Variants in ACADM observed in about 807,000 individuals in gnomAD.
The protein encoded by ACADM is acyl-CoA dehydrogenase medium chain, also known as medium-chain specific acyl-CoA dehydrogenase, mitochondrial.
In ACADM, 49 loss-of-function variants were observed where a neutral mutation model predicts 58.9. That is an observed-to-expected ratio of 0.83 (90% CI 0.66 to 1.06). The LOEUF (loss-of-function observed/expected upper bound fraction) is 1.06, where lower values mean the gene tolerates loss of function less well. Ranked by LOEUF, ACADM falls within the 50% of genes least tolerant of loss-of-function variation. The probability of loss-of-function intolerance (pLI) is 0.00; values close to 1 mark genes in which losing one functional copy is unlikely to be tolerated. For missense variants in ACADM, 496 were observed against 507.0 expected, an observed-to-expected ratio of 0.98 and a Z score of 0.21; for synonymous variants, 160 against 157.7, an observed-to-expected ratio of 1.01 and a Z score of -0.11.
chr1:75,757,618 C>G (rs971435010), intron 10 of ACADM, among the ~76,000 whole-genome samples: 1 of 152,184 alleles, frequency 6.6e-6, no homozygotes, highest in Admixed American at 6.5e-5. Flanking sequence ...GGACTGTAAA[C>G]TAGTTCAACC....
chr1:75,736,511 G>A (rs1214381822), intron 6 of ACADM, among the ~76,000 whole-genome samples: 3 of 152,160 alleles, frequency 2.0e-5, no homozygotes, highest in Non-Finnish European at 4.4e-5. Flanking sequence ...TAAGAACTGT[G>A]TGAAACGTCT....
chr1:75,735,489 A>C (rs752346044), intron 6 of ACADM, among the ~76,000 whole-genome samples: 4 of 152,126 alleles, frequency 2.6e-5, no homozygotes, highest in African/African-American at 9.7e-5. Flanking sequence ...GAACTGAGTC[A>C]TTGTGTCAGG....
Position 75,732,734 on chromosome 1 carries a change from C to G in ACADM, c.209C>G (p.Thr70Ser). Residue 70 changes from threonine (T) to serine (S), a missense_variant, in exon 3 of 12, where the codon ACT becomes AGT. Coordinates refer to ENST00000370841, the MANE Select transcript of ACADM (RefSeq NM_000016.6). Reference protein sequence around the residue: ...IIPVAAEYDKTGEYPVPLIRR... With the variant: ...IIPVAAEYDKSGEYPVPLIRR... Reference sequence around the variant, plus strand: ...CCAGTGGCTGCAGAATATGATAAAACTGGTGAAGTAGGTATATACATTTTA... The same window carrying G: ...CCAGTGGCTGCAGAATATGATAAAAGTGGTGAAGTAGGTATATACATTTTA... The G allele has an allele frequency of 6.2e-7, 1 of 1,613,348 alleles. No individual in the cohort carries two copies. Among genetic ancestry groups the G allele is most frequent in the Non-Finnish European group, 8.5e-7 (1 of 1,179,328 alleles).
Position 75,739,969 on chromosome 1 carries a change from A to G in ACADM, c.469-11A>G. ...ATTTAATTTCATTTCTCTTGTTTTT[A>G]TATATTCAAGGCTTATTGTGTAACA... is the stretch of plus-strand genomic sequence containing the variant. On this transcript the variant is annotated splice_polypyrimidine_tract_variant and intron_variant, in intron 6 of 11. Transcript: ENST00000370841. 1 of 1,587,214 alleles carries G rather than the reference A, an allele frequency of 6.3e-7. No homozygotes were observed. The highest frequency in any genetic ancestry group is 8.6e-7 in the Non-Finnish European group (1 of 1,167,100).
chr1:75,761,026 G>T lies in ACADM; in HGVS notation c.946-96G>T, dbSNP rs2100452281. The T allele has an allele frequency of 2.4e-6, 3 of 1,267,796 alleles. No individual in the cohort carries two copies. In the East Asian group the frequency reaches 7.6e-5, roughly 32 times the overall value. 78.5% of individuals were successfully genotyped at this position (1,267,796 alleles called of 1,614,324 possible). On this transcript the variant is annotated intron_variant, in intron 10 of 11. Transcript: ENST00000370841. ...GTTGCAGACCAGCCTGGGCAACATA[G>T]CAAGACCCCGTCACTATAAAAATGA...
chr1:75,744,366 G>T, intron 7 of ACADM: 1 of 1,577,732 alleles, frequency 6.3e-7, no homozygotes, highest in East Asian at 2.2e-5. Flanking sequence ...AAAGCGGAGT[G>T]CCTCCTTCGA....
At chr1:75,756,750 C>T (rs1469743499) in intron 10 of ACADM, among the ~76,000 whole-genome samples, 1 of 152,146 alleles carries the variant, frequency 6.6e-6, no homozygotes, top group African/African-American at 2.4e-5. Context: ...CCACATTGCC[C>T]AGACAATCCT....
rs567827788 is a variant in ACADM, at chr1:75,729,997, C to T, written c.118+1509C>T. Reference sequence around the variant, plus strand: ...GCAACCTCTGCCTCCTGGGTTCAAGCGATTCTCCTGCCTCAGCCACCCAAG... The same window carrying T: ...GCAACCTCTGCCTCCTGGGTTCAAGTGATTCTCCTGCCTCAGCCACCCAAG... On this transcript the variant is annotated intron_variant, in intron 2 of 11. Coordinates refer to ENST00000370841, the MANE Select transcript of ACADM (RefSeq NM_000016.6). 6.2e-5 allele frequency among the ~76,000 whole-genome samples: 9 copies of T among 144,440 alleles called. No individual in the cohort carries two copies. In the South Asian group the frequency reaches 1.1e-3, roughly 18 times the overall value. 94.8% of individuals were successfully genotyped at this position (144,440 alleles called of 152,430 possible). A position where few individuals can be genotyped will look rare whatever the true frequency, so the allele number is the denominator to read the frequency against.
chr1:75,759,448 G>C (rs962242314), intron 10 of ACADM, among the ~76,000 whole-genome samples: 5 of 152,100 alleles, frequency 3.3e-5, no homozygotes, highest in African/African-American at 1.2e-4. Context: ...GTATGCCAGG[G>C]AACAGGAACA....
At chr1:75,759,067 G>T (rs1190671705) in intron 10 of ACADM, among the ~76,000 whole-genome samples, 2 of 152,078 alleles carry the variant, frequency 1.3e-5, no homozygotes, top group Admixed American at 6.6e-5. Context: ...CGAACCCACT[G>T]GAAGGAAGAA....
intron 7 of ACADM, 121 bp downstream of exon 7, chr1:75,740,231 T>A: frequency 1.0e-6 from 1 of 969,116 alleles, no homozygotes; most frequent in Non-Finnish European, 1.6e-6. Context: ...CTGGAAGGCC[T>A]AAAGGAGATT....
chr1:75,752,996 C>T (rs1648288231), intron 10 of ACADM, among the ~76,000 whole-genome samples: 1 of 152,172 alleles, frequency 6.6e-6, no homozygotes, highest in Non-Finnish European at 1.5e-5. Flanking sequence ...TCCTGTATCA[C>T]AGAGCTCGTA....
chr1:75,743,125 C>T (rs969874610), intron 7 of ACADM, among the ~76,000 whole-genome samples: 1 of 152,098 alleles, frequency 6.6e-6, no homozygotes, highest in Non-Finnish European at 1.5e-5. Context: ...ATCATCTTTG[C>T]AGAGAGCTGA....
At position 75,737,279 on chromosome 1, in the gene ACADM, AATATATATATATAT is replaced by A. The variant is rs368688785; in HGVS notation, c.468+2443_468+2456del. Among the ~76,000 whole-genome samples, 149 of 43,124 alleles carry A rather than the reference AATATATATATATAT, an allele frequency of 3.5e-3. 1 individual carries two copies. The highest frequency in any genetic ancestry group is 0.013 in the East Asian group (8 of 620). The allele number at this position is 43,124 out of a possible 152,430, so 28.3% of individuals were successfully genotyped here. On this transcript the variant is annotated intron_variant, in intron 6 of 11. Transcript: ENST00000370841. ...GAGACTGCCACCACACACACACACA[AATATATATATATAT>A]ATATATATATATATATATATATATA...
chr1:75,753,572 C>T (rs976413827), intron 10 of ACADM, among the ~76,000 whole-genome samples: 3 of 151,918 alleles, frequency 2.0e-5, no homozygotes, highest in Admixed American at 6.6e-5. Flanking sequence ...CCAGGTCCTC[C>T]TTACCCAAGT....
Position 75,763,288 on chromosome 1 carries a change from T to C in ACADM, c.*525T>C, listed in dbSNP as rs1648948967. 1 of 152,270 alleles carries C rather than the reference T, an allele frequency of 6.6e-6. No homozygotes were observed. Among genetic ancestry groups the C allele is most frequent in the Middle Eastern group, 3.2e-3 (1 of 316 alleles). The allele number at this position is 152,270 out of a possible 1,614,324, so 9.4% of individuals were successfully genotyped here. A position where few individuals can be genotyped will look rare whatever the true frequency, so the allele number is the denominator to read the frequency against. ...TTTTGACATTCATATTCTCCTATTT[T>C]ACAGCTACAAGAACTTTCTTGAAAA... On this transcript the variant is annotated 3_prime_UTR_variant, in exon 12 of 12. Transcript: ENST00000370841.
chr1:75,744,898 T>G, intron 7 of ACADM: 3 of 374,000 alleles, frequency 8.0e-6, no homozygotes, highest in South Asian at 4.5e-5. Flanking sequence ...AGTGCCAGTT[T>G]CAACAGGCAT....
rs1647480996 is a variant in ACADM at position 75,740,065 on chromosome 1, T to C, written c.554T>C (p.Ile185Thr). 3.1e-6 allele frequency: 5 copies of C among 1,612,582 alleles called. No homozygotes were observed. The highest frequency in any genetic ancestry group is 4.2e-6 in the Non-Finnish European group (5 of 1,178,898). ...KAEKKGDEYI[I>T]NGQKMWITNG... ...GAAAAGAAAGGAGATGAGTATATTA[T>C]TAATGGTCAGAAGATGTGGATAACC... Residue 185 changes from isoleucine to threonine, a missense_variant, in exon 7 of 12, where the codon ATT (isoleucine) becomes ACT (threonine). Coordinates refer to ENST00000370841, the MANE Select transcript of ACADM (RefSeq NM_000016.6).
At chr1:75,730,105 C>A (rs540174922) in intron 2 of ACADM, among the ~76,000 whole-genome samples, 1 of 151,820 alleles carries the variant, frequency 6.6e-6, no homozygotes, top group African/African-American at 2.4e-5. Context: ...ATGTTGGCAA[C>A]GCTGGTCTCG....
Sources: gnomAD v4.1 joint callset for allele counts (sites outside exome capture counted in the v4.1 genomes callset) on GRCh38, gnomAD v4.1.1 for gene constraint, MANE v1.5 for transcripts, NCBI Gene and HGNC (gene_info 2026-07-23, HGNC 2026-07-21) for gene names.